Variants in COG5 observed in about 807,000 individuals in gnomAD.
COG5 encodes component of oligomeric golgi complex 5.
COG5 carries 86 observed loss-of-function variants against 110.4 expected under a neutral mutation model. The ratio of observed to expected loss-of-function variants is 0.78; its 90% CI spans 0.65 to 0.93. COG5 has a LOEUF of 0.93. Ranked by LOEUF, COG5 falls within the 40% of genes least tolerant of loss-of-function variation. The probability of loss-of-function intolerance (pLI) is 0.00; values close to 1 mark genes in which losing one functional copy is unlikely to be tolerated. For missense variants in COG5, 1,077 were observed against 987.0 expected (o/e 1.09, Z -1.22); for synonymous variants, 360 against 334.6 (o/e 1.08, Z -0.83).
At chr7:107,557,100 G>A (rs1273072391) in intron 2 of COG5, among the ~76,000 whole-genome samples, 1 of 152,088 alleles carries the variant, frequency 6.6e-6, no homozygotes, top group East Asian at 1.9e-4. Flanking sequence ...TGTCAATAAA[G>A]ATTGAAATCA....
intron 7 of COG5, among the ~76,000 whole-genome samples, chr7:107,407,964 T>C (rs925200268): frequency 6.6e-5 from 10 of 152,094 alleles, no homozygotes; most frequent in African/African-American, 2.2e-4. Context: ...CAAACGGACA[T>C]GACTAGATAT....
At chr7:107,311,011 T>C (rs1487429878) in intron 11 of COG5, among the ~76,000 whole-genome samples, 1 of 152,256 alleles carries the variant, frequency 6.6e-6, no homozygotes, top group Non-Finnish European at 1.5e-5. Flanking sequence ...TTAACTAATG[T>C]CACAATAATG....
intron 8 of COG5, among the ~76,000 whole-genome samples, chr7:107,364,679 C>G (rs930406898): frequency 6.6e-6 from 1 of 152,116 alleles, no homozygotes; most frequent in African/African-American, 2.4e-5. Context: ...TTAAGGAGGA[C>G]AAGATCAAGA....
chr7:107,542,279 C>G (rs2712191), intron 5 of COG5, among the ~76,000 whole-genome samples: 42,025 of 151,986 alleles, frequency 0.28, 5,839 homozygotes, highest in East Asian at 0.33. Flanking sequence ...ACAAGAGGTT[C>G]AATCTCCTTA....
intron 6 of COG5, among the ~76,000 whole-genome samples, chr7:107,424,526 A>G (rs2129075237): frequency 6.6e-6 from 1 of 151,664 alleles, no homozygotes; most frequent in South Asian, 2.1e-4. Context: ...TTTTTGAAAA[A>G]AAGAAAAACT....
At chr7:107,438,357 CT>C (rs549424683) in intron 6 of COG5, among the ~76,000 whole-genome samples, 2 of 152,262 alleles carry the variant, frequency 1.3e-5, no homozygotes, top group African/African-American at 4.8e-5. Context: ...ATAAATTTAC[CT>C]TCCCACAGTT....
chr7:107,511,663 C>A (rs569587568), intron 6 of COG5, among the ~76,000 whole-genome samples: 3 of 152,108 alleles, frequency 2.0e-5, no homozygotes, highest in Admixed American at 1.3e-4. Flanking sequence ...ACTGGCAAAC[C>A]GAATCCAGCA....
intron 6 of COG5, among the ~76,000 whole-genome samples, chr7:107,524,986 T>G (rs562963899): frequency 6.6e-6 from 1 of 152,028 alleles, no homozygotes; most frequent in African/African-American, 2.4e-5. Flanking sequence ...TGGAGTGCAG[T>G]TGCAGATCTC....
intron 6 of COG5, among the ~76,000 whole-genome samples, chr7:107,439,555 T>C (rs1458230207): frequency 1.3e-5 from 2 of 152,022 alleles, no homozygotes; most frequent in Non-Finnish European, 2.9e-5. Flanking sequence ...ATAATTTATA[T>C]AAATTGATCT....
chr7:107,243,659 G>A (rs1370053224), intron 17 of COG5, among the ~76,000 whole-genome samples: 1 of 151,928 alleles, frequency 6.6e-6, no homozygotes, highest in Admixed American at 6.6e-5. Context: ...TGCAACATTG[G>A]ACCAAATGCA....
chr7:107,209,751 G>A (rs1418237587), intron 21 of COG5: 1 of 919,282 alleles, frequency 1.1e-6, no homozygotes, highest in African/African-American at 1.8e-5. Context: ...CCTGGCCCAG[G>A]GCCTACCATG....
chr7:107,539,113 A>G (rs1032862639), intron 5 of COG5, among the ~76,000 whole-genome samples: 1 of 151,920 alleles, frequency 6.6e-6, no homozygotes, highest in Admixed American at 6.6e-5. Flanking sequence ...GACACTGTCT[A>G]AAAAAAATTA....
chr7:107,530,625 AAC>A (rs1491448456), intron 5 of COG5, among the ~76,000 whole-genome samples: 8 of 148,808 alleles, frequency 5.4e-5, no homozygotes, highest in African/African-American at 1.8e-4. Context: ...AAAAAAAAAA[AAC>A]ACAGTTTTCA....
chr7:107,523,390 ACT>A (rs1800471543), intron 6 of COG5, among the ~76,000 whole-genome samples: 1 of 151,778 alleles, frequency 6.6e-6, no homozygotes, highest in Non-Finnish European at 1.5e-5. Flanking sequence ...TCTTTTATTA[ACT>A]ACAGCTTTTT....
intron 20 of COG5, 76 bp downstream of exon 20, chr7:107,211,023 A>C: frequency 1.3e-6 from 2 of 1,523,782 alleles, no homozygotes; most frequent in Non-Finnish European, 1.8e-6. Flanking sequence ...GGAATCATTC[A>C]GTGAGTAGGG....
chr7:107,417,791 C>T (rs1792982610), intron 6 of COG5, among the ~76,000 whole-genome samples: 7 of 152,048 alleles, frequency 4.6e-5, no homozygotes, highest in Admixed American at 4.6e-4. Context: ...AAGCTGAATA[C>T]TGTTTATTAA....
chr7:107,295,090 TATATATATATA>T (rs1165776097), intron 12 of COG5, among the ~76,000 whole-genome samples: 62 of 75,674 alleles, frequency 8.2e-4, no homozygotes, highest in African/African-American at 1.4e-3. Flanking sequence ...TATATATATA[TATATATATATA>T]TTTTTTTTTT....
At chr7:107,327,748 G>C (rs751258031) in intron 10 of COG5, among the ~76,000 whole-genome samples, 2 of 152,142 alleles carry the variant, frequency 1.3e-5, no homozygotes, top group Non-Finnish European at 2.9e-5. Context: ...ACCATACTGA[G>C]ATGTCATCTC....
At chr7:107,294,039 T>G (rs770951055) in intron 12 of COG5, among the ~76,000 whole-genome samples, 6 of 152,138 alleles carry the variant, frequency 3.9e-5, no homozygotes, top group Non-Finnish European at 8.8e-5. Flanking sequence ...ACCACTGCAC[T>G]CCAGCCTGGG....
Sources: gnomAD v4.1 joint callset for allele counts (sites outside exome capture counted in the v4.1 genomes callset) on GRCh38, gnomAD v4.1.1 for gene constraint, MANE v1.5 for transcripts, NCBI Gene and HGNC (gene_info 2026-07-23, HGNC 2026-07-21) for gene names.